NRG3: variants seen among roughly 807,000 people sequenced by gnomAD.
The protein encoded by NRG3 is pro-neuregulin-3, membrane-bound isoform.
A neutral mutation model predicts 66.9 loss-of-function variants in NRG3; 31 were observed. The observed-to-expected ratio is 0.46, with a 90% confidence interval of 0.35 to 0.63. The LOEUF (loss-of-function observed/expected upper bound fraction) is 0.63, where lower values mean the gene tolerates loss of function less well. NRG3 is among the 20% of genes least tolerant of loss of function. The pLI is 0.00. For missense variants in NRG3, 910 were observed against 878.9 expected (o/e 1.04, Z -0.45); for synonymous variants, 393 against 359.4 (o/e 1.09, Z -1.06).
intron 2 of NRG3, among the ~76,000 whole-genome samples, chr10:82,362,399 A>G (rs1259475239): frequency 2.8e-5 from 4 of 144,736 alleles, no homozygotes; most frequent in Non-Finnish European, 4.5e-5. Context: ...TCTGAGAGGG[A>G]CCCTTGCTCT....
intron 1 of NRG3, among the ~76,000 whole-genome samples, chr10:82,320,075 A>G (rs917225362): frequency 6.6e-6 from 1 of 152,136 alleles, no homozygotes; most frequent in Non-Finnish European, 1.5e-5. Context: ...CTAATAGGCA[A>G]TGTCGATTTT....
At chr10:82,577,006 T>C (rs2046069920) in intron 2 of NRG3, among the ~76,000 whole-genome samples, 1 of 151,810 alleles carries the variant, frequency 6.6e-6, no homozygotes, top group African/African-American at 2.4e-5. Flanking sequence ...TATGCTTTGG[T>C]TAATAGTTTT....
intron 1 of NRG3, among the ~76,000 whole-genome samples, chr10:82,088,340 T>C (rs1449794446): frequency 6.6e-6 from 1 of 152,136 alleles, no homozygotes; most frequent in African/African-American, 2.4e-5. Flanking sequence ...TTGATCCTGT[T>C]TCTCTTTGGT....
chr10:82,978,309 CAT>C (rs977990089), intron 7 of NRG3, among the ~76,000 whole-genome samples: 1 of 152,114 alleles, frequency 6.6e-6, no homozygotes, highest in African/African-American at 2.4e-5. Context: ...CATCTATAAA[CAT>C]ATAGTTATTT....
chr10:82,287,963 A>G (rs539455079), intron 1 of NRG3, among the ~76,000 whole-genome samples: 2 of 152,278 alleles, frequency 1.3e-5, no homozygotes, highest in East Asian at 1.9e-4. Context: ...TGACCTGGCT[A>G]TATTTAATTC....
chr10:82,030,032 G>A (rs556829144), intron 1 of NRG3, among the ~76,000 whole-genome samples: 1 of 152,044 alleles, frequency 6.6e-6, no homozygotes, highest in East Asian at 1.9e-4. Context: ...AGTTGAAATC[G>A]TAAGGGGAAC....
chr10:82,839,543 T>G (rs2062951758), intron 3 of NRG3, among the ~76,000 whole-genome samples: 1 of 151,584 alleles, frequency 6.6e-6, no homozygotes, highest in Admixed American at 6.6e-5. Context: ...TTCTTTTATA[T>G]TTTTTAATCT....
intron 2 of NRG3, among the ~76,000 whole-genome samples, chr10:82,577,603 T>G (rs998578726): frequency 6.6e-6 from 1 of 151,744 alleles, no homozygotes; most frequent in African/African-American, 2.4e-5. Context: ...ATAATCCCAT[T>G]GTTTTGTTGC....
chr10:82,299,902 A>G (rs2080295214), intron 1 of NRG3, among the ~76,000 whole-genome samples: 1 of 152,174 alleles, frequency 6.6e-6, no homozygotes, highest in African/African-American at 2.4e-5. Flanking sequence ...CATTTTATCC[A>G]TGGGCAACCC....
intron 1 of NRG3, among the ~76,000 whole-genome samples, chr10:81,968,457 A>G (rs567729974): frequency 1.3e-5 from 2 of 152,288 alleles, no homozygotes; most frequent in African/African-American, 2.4e-5. Flanking sequence ...AGAGTGAGAA[A>G]GTGAGATGTC....
Position 82,964,847 on chromosome 10 carries a change from T to A in NRG3, c.1284+5772T>A, listed in dbSNP as rs1246647201. ...AAACTGACCCTACTTTCATTTAACC[T>A]TCTGACTCCTGCTGTGTGCATGTGG... On this transcript the variant is annotated intron_variant, in intron 6 of 8. Coordinates refer to ENST00000372141, the MANE Select transcript of NRG3 (RefSeq NM_001010848.4). 2.6e-5 allele frequency among the ~76,000 whole-genome samples: 4 copies of A among 152,224 alleles called. No homozygotes were observed. The East Asian group carries it at 7.7e-4, about 29-fold the overall frequency.
At chr10:82,081,641 A>G (rs2065402324) in intron 1 of NRG3, among the ~76,000 whole-genome samples, 1 of 152,220 alleles carries the variant, frequency 6.6e-6, no homozygotes, top group Non-Finnish European at 1.5e-5. Context: ...GTTTCCACGT[A>G]TGATATTCTT....
intron 1 of NRG3, among the ~76,000 whole-genome samples, chr10:82,330,311 A>AT (rs1368540505): frequency 6.6e-6 from 1 of 152,234 alleles, no homozygotes; most frequent in East Asian, 1.9e-4. Flanking sequence ...CTTTTGCTAT[A>AT]TTTTCCGGTC....
intron 1 of NRG3, among the ~76,000 whole-genome samples, chr10:81,980,289 A>G (rs2060286358): frequency 6.6e-6 from 1 of 151,858 alleles, no homozygotes; most frequent in Admixed American, 6.6e-5. Flanking sequence ...TCTGCCAATT[A>G]TTACATGTGT....
chr10:82,624,078 C>A (rs912164089), intron 2 of NRG3, among the ~76,000 whole-genome samples: 6 of 152,096 alleles, frequency 3.9e-5, no homozygotes, highest in African/African-American at 1.2e-4. Flanking sequence ...CTACTTAATA[C>A]CTCTGGGTTT....
At chr10:82,861,356 A>C (rs1408876826) in intron 3 of NRG3, among the ~76,000 whole-genome samples, 1 of 152,232 alleles carries the variant, frequency 6.6e-6, no homozygotes, top group African/African-American at 2.4e-5. Context: ...CTGAAAGTTA[A>C]AAACTCTAAT....
At chr10:82,267,495 C>G (rs1020080794) in intron 1 of NRG3, among the ~76,000 whole-genome samples, 2 of 152,152 alleles carry the variant, frequency 1.3e-5, no homozygotes, top group Admixed American at 6.5e-5. Flanking sequence ...GACTGGATCT[C>G]CCTTCCAGGT....
intron 1 of NRG3, among the ~76,000 whole-genome samples, chr10:82,267,087 T>C (rs986622736): frequency 4.6e-5 from 7 of 152,176 alleles, no homozygotes; most frequent in African/African-American, 1.4e-4. Context: ...ATGATTCTTA[T>C]ATAGAGCCGT....
At chr10:82,506,490 T>A (rs1844692391) in intron 2 of NRG3, among the ~76,000 whole-genome samples, 1 of 152,074 alleles carries the variant, frequency 6.6e-6, no homozygotes, top group South Asian at 2.1e-4. Flanking sequence ...ATGCCACTGC[T>A]TGGGGCTTTC....
Sources: gnomAD v4.1 joint callset for allele counts (sites outside exome capture counted in the v4.1 genomes callset) on GRCh38, gnomAD v4.1.1 for gene constraint, MANE v1.5 for transcripts, NCBI Gene and HGNC (gene_info 2026-07-23, HGNC 2026-07-21) for gene names.